The following KIF26B variants were observed in gnomAD, a reference collection of about 807,000 sequenced individuals.
KIF26B encodes kinesin family member 26B, also known as kinesin-like protein KIF26B.
KIF26B carries 63 observed loss-of-function variants against 151.2 expected under a neutral mutation model. The observed-to-expected ratio is 0.42, with a 90% CI of 0.34 to 0.51. The LOEUF is 0.51. Ranked by LOEUF, KIF26B falls within the 20% of genes least tolerant of loss-of-function variation. KIF26B has a pLI of 0.07. For missense variants in KIF26B, 2,813 were observed against 2,913.6 expected, an observed-to-expected ratio of 0.97 and a Z score of 0.79; for synonymous variants, 1,357 against 1,262.1, an observed-to-expected ratio of 1.08 and a Z score of -1.59.
chr1:245,423,889 A>T (rs765054510), intron 4 of KIF26B, among the ~76,000 whole-genome samples: 2 of 151,886 alleles, frequency 1.3e-5, no homozygotes, highest in Non-Finnish European at 2.9e-5. Context: ...CCCAGGCTGG[A>T]GTGTAGTGAC....
intron 4 of KIF26B, among the ~76,000 whole-genome samples, chr1:245,498,261 T>C (rs1660551249): frequency 6.6e-6 from 1 of 152,106 alleles, no homozygotes; most frequent in Non-Finnish European, 1.5e-5. Flanking sequence ...TCAGAGAAGC[T>C]GGAAATTGAA....
At position 245,698,188 on chromosome 1, in the gene KIF26B, C is replaced by T. The variant is rs749041108; in HGVS notation, c.5907C>T (p.Val1969=). 6.2e-7 allele frequency: 1 copy of T among 1,614,056 alleles called. No individual in the cohort carries two copies. The highest frequency in any genetic ancestry group is 8.5e-7 in the Non-Finnish European group (1 of 1,179,896). The stretch of plus-strand genomic sequence containing the variant: ...GAAAACCCCCCAACAGCACAGGCGT[C>T]CGCTGGGTGGATGGCCCCTTGCGGA... ...PVRKPPNSTG[V]RWVDGPLRSS... is the part of the protein sequence containing the mutation. The change falls in exon 13 of 15, where the codon GTC becomes GTT. Residue 1969 remains valine (V), a synonymous_variant. Transcript: ENST00000407071. The surrounding 1 kb of genome is among the most constrained non-coding windows in gnomAD (Gnocchi z 4.0).
At chr1:245,506,891 G>A (rs1027660309) in intron 4 of KIF26B, among the ~76,000 whole-genome samples, 2 of 152,166 alleles carry the variant, frequency 1.3e-5, no homozygotes, top group African/African-American at 4.8e-5. Context: ...TGTTGACCAG[G>A]CTGGTCTTGA....
At chr1:245,462,276 G>GGTGT (rs371903111) in intron 4 of KIF26B, among the ~76,000 whole-genome samples, 83 of 152,258 alleles carry the variant, frequency 5.5e-4, no homozygotes, top group African/African-American at 1.9e-3. Context: ...GAGAATGGAG[G>GGTGT]GTGTTATGTG....
At position 245,646,159 on chromosome 1, in the gene KIF26B, G is replaced by A. The variant is rs770672584; in HGVS notation, c.2137G>A (p.Gly713Ser). ...CAGCCGCCTGCATCTCATTGATCTCGGCAGCTGTGTGAAAGCTCTTAGCAA... is the reference window on the plus strand; with the variant it reads ...CAGCCGCCTGCATCTCATTGATCTCAGCAGCTGTGTGAAAGCTCTTAGCAA... ...GRSRLHLIDL[G>S]SCVKALSKNR... Residue 713 changes from glycine (G) to serine (S), a missense_variant, in exon 10 of 15, where the codon GGC becomes AGC. Physicochemically the swap from Gly to Ser is moderately conservative, Grantham distance 56. This residue lies in a region of KIF26B where 2,060 missense variants were observed against 2,088.6 expected (regional missense o/e 0.99). Coordinates refer to ENST00000407071, the MANE Select transcript of KIF26B (RefSeq NM_018012.4). 43 of 1,613,828 alleles carry A rather than the reference G, an allele frequency of 2.7e-5. No homozygotes were observed. Among genetic ancestry groups the A allele is most frequent in the Non-Finnish European group, 3.1e-5 (36 of 1,179,876 alleles).
At position 245,487,764 on chromosome 1, in the gene KIF26B, A is replaced by ATT. The variant is rs11413237; in HGVS notation, c.1167-52987_1167-52986dup. Among the ~76,000 whole-genome samples, 867 of 132,574 alleles carry ATT rather than the reference A, an allele frequency of 6.5e-3. 26 individuals are homozygous for ATT. The highest frequency in any genetic ancestry group is 0.012 in the South Asian group (48 of 4,112). 87.0% of individuals were successfully genotyped at this position (132,574 alleles called of 152,430 possible). ...AGGCACATGTCACCACATCCAGCTA[A>ATT]TTTTTTTTTTTTTTTTTGAGACAAG... On this transcript the variant is annotated intron_variant, in intron 4 of 14. Transcript: ENST00000407071.
chr1:245,327,798 C>T (rs1010959348), intron 2 of KIF26B, among the ~76,000 whole-genome samples: 5 of 152,144 alleles, frequency 3.3e-5, no homozygotes, highest in African/African-American at 1.2e-4. Flanking sequence ...AATGTATTTT[C>T]TAATGACTTA....
chr1:245,467,653 G>T (rs1659825205), intron 4 of KIF26B, among the ~76,000 whole-genome samples: 1 of 152,184 alleles, frequency 6.6e-6, no homozygotes, highest in South Asian at 2.1e-4. Context: ...TCAGCACTTT[G>T]GGAGGCTGAG....
chr1:245,282,462 C>T (rs1435323066), intron 2 of KIF26B, among the ~76,000 whole-genome samples: 4 of 152,200 alleles, frequency 2.6e-5, no homozygotes, highest in Non-Finnish European at 5.9e-5. Flanking sequence ...CCAAACATGG[C>T]GATTCCCACA....
intron 2 of KIF26B, among the ~76,000 whole-genome samples, chr1:245,310,097 A>G (rs1671638215): frequency 6.7e-6 from 1 of 148,178 alleles, no homozygotes; most frequent in South Asian, 2.1e-4. Context: ...TAATAAATCA[A>G]TAAATATATA....
In KIF26B at chr1:245,688,934, G is replaced by A. The variant is rs2044582799; in HGVS notation, c.5824+127G>A. 6 of 1,261,106 alleles carry A rather than the reference G, an allele frequency of 4.8e-6. No homozygotes were observed. The South Asian group carries it at 8.2e-5, about 17-fold the overall frequency. The allele number at this position is 1,261,106 out of a possible 1,614,324, so 78.1% of individuals were successfully genotyped here. A position where few individuals can be genotyped will look rare whatever the true frequency, so the allele number is the denominator to read the frequency against. On this transcript the variant is annotated intron_variant, in intron 12 of 14. Transcript: ENST00000407071. ...CAGGCCTGGCCTCTCCTTGCAGGTG[G>A]GCGAACTGCCCAAACCCCACTGCCA...
intron 2 of KIF26B, among the ~76,000 whole-genome samples, chr1:245,204,563 G>A (rs910927958): frequency 2.0e-5 from 3 of 151,862 alleles, no homozygotes; most frequent in African/African-American, 7.3e-5. Flanking sequence ...TAGTAGAGGC[G>A]GGGTTTCGCC....
At chr1:245,441,699 A>T (rs1659109525) in intron 4 of KIF26B, among the ~76,000 whole-genome samples, 1 of 152,212 alleles carries the variant, frequency 6.6e-6, no homozygotes, top group South Asian at 2.1e-4. Flanking sequence ...AAGGTGAACA[A>T]CACATTAAAC....
chr1:245,686,189 G>T lies in KIF26B; in HGVS notation c.3206G>T (p.Gly1069Val). The change falls in exon 12 of 15, where the codon GGC becomes GTC. Residue 1069 changes from glycine (G) to valine (V), a missense_variant. This residue lies in a region of KIF26B where 2,060 missense variants were observed against 2,088.6 expected (regional missense o/e 0.99). Coordinates refer to ENST00000407071, the MANE Select transcript of KIF26B (RefSeq NM_018012.4). This position sits in a 1 kb window ranked among gnomAD's most constrained non-coding sequence, Gnocchi z 5.6. ...KPRPMGSPRL[G>V]IASLSKTSEY... ...AGGCCCATGGGCTCCCCCCGGCTGG[G>T]CATCGCCAGCCTGTCCAAGACCTCG... 6.2e-7 allele frequency: 1 copy of T among 1,612,554 alleles called. No homozygotes were observed. The highest frequency in any genetic ancestry group is 8.5e-7 in the Non-Finnish European group (1 of 1,179,888).
intron 2 of KIF26B, among the ~76,000 whole-genome samples, chr1:245,172,897 C>T (rs1668738657): frequency 6.6e-6 from 1 of 152,220 alleles, no homozygotes; most frequent in Non-Finnish European, 1.5e-5. Flanking sequence ...ATTTATATGT[C>T]AGTTTTAACA....
intron 2 of KIF26B, among the ~76,000 whole-genome samples, chr1:245,296,188 T>C (rs538442126): frequency 1.2e-3 from 179 of 145,742 alleles, no homozygotes; most frequent in African/African-American, 4.3e-3. Flanking sequence ...TTTTTTTTTC[T>C]TATGGGCTAG....
chr1:245,386,389 T>C (rs184808577), intron 3 of KIF26B, among the ~76,000 whole-genome samples: 38 of 151,676 alleles, frequency 2.5e-4, no homozygotes, highest in African/African-American at 8.0e-4. Context: ...TTTGTACCTT[T>C]TGAGCCCAGT....
chr1:245,588,504 CTCT>C (rs2043251679), intron 5 of KIF26B, among the ~76,000 whole-genome samples: 1 of 152,186 alleles, frequency 6.6e-6, no homozygotes, highest in Non-Finnish European at 1.5e-5. Flanking sequence ...CACTGGGCCC[CTCT>C]TCTTATCAAC....
At chr1:245,525,337 G>T (rs751928874) in intron 4 of KIF26B, among the ~76,000 whole-genome samples, 1 of 152,146 alleles carries the variant, frequency 6.6e-6, no homozygotes, top group Non-Finnish European at 1.5e-5. Context: ...CACGTATTAG[G>T]AGTCAGTTCT....
Sources: gnomAD v4.1 joint callset for allele counts (sites outside exome capture counted in the v4.1 genomes callset) on GRCh38, gnomAD v4.1.1 for gene constraint, gnomAD v4.1.1 regional missense constraint, Gnocchi (gnomAD v3.1) non-coding constraint, MANE v1.5 for transcripts, NCBI Gene and HGNC (gene_info 2026-07-23, HGNC 2026-07-21) for gene names.